The following PTPRM variants were observed in gnomAD, a reference collection of about 807,000 sequenced individuals.
PTPRM encodes the protein receptor-type tyrosine-protein phosphatase mu.
In PTPRM, 47 loss-of-function variants were observed where a neutral mutation model predicts 186.7. That is an observed-to-expected ratio of 0.25 (90% confidence interval 0.20 to 0.32). PTPRM has a LOEUF of 0.32. Ranked by LOEUF, PTPRM falls within the 10% of genes least tolerant of loss-of-function variation. PTPRM has a pLI of 1.00. For synonymous variants in PTPRM, 668 were observed against 674.9 expected (o/e 0.99, Z 0.16); for missense variants, 1,494 against 1,865.0 (o/e 0.80, Z 3.66).
rs574569498 is a variant in PTPRM, at chr18:8,318,469, G to C, written c.2920-709G>C. ...ATGCCACCACACCTGGCTAATTTTTGTATTTTTTGTAGAGATGGCTTTTTG... is the reference window on the plus strand; with the variant it reads ...ATGCCACCACACCTGGCTAATTTTTCTATTTTTTGTAGAGATGGCTTTTTG... On this transcript the variant is annotated intron_variant, in intron 21 of 32. Transcript: ENST00000580170. 2.0e-5 allele frequency among the ~76,000 whole-genome samples: 3 copies of C among 151,450 alleles called. No homozygotes were observed. In the South Asian group the frequency reaches 6.3e-4, roughly 32 times the overall value.
intron 1 of PTPRM, among the ~76,000 whole-genome samples, chr18:7,744,035 C>T (rs112288193): frequency 0.017 from 2,630 of 152,204 alleles, 86 homozygotes; most frequent in African/African-American, 0.059. Context: ...GTTATTTGGA[C>T]AGACTGGGGA....
chr18:7,900,767 A>G (rs1401348666), intron 3 of PTPRM, among the ~76,000 whole-genome samples: 5 of 152,228 alleles, frequency 3.3e-5, no homozygotes, highest in Non-Finnish European at 5.9e-5. Flanking sequence ...AATATGACCT[A>G]CCTCACATAA....
intron 19 of PTPRM, among the ~76,000 whole-genome samples, chr18:8,267,526 G>A (rs1437492994): frequency 1.3e-5 from 2 of 151,874 alleles, no homozygotes; most frequent in African/African-American, 2.4e-5. Flanking sequence ...AACACAAAGA[G>A]TTTCATATCT....
At chr18:8,283,221 G>A (rs1318652801) in intron 19 of PTPRM, among the ~76,000 whole-genome samples, 2 of 152,210 alleles carry the variant, frequency 1.3e-5, no homozygotes, top group Non-Finnish European at 2.9e-5. Context: ...GTACAGTTAT[G>A]TGAGGTGTAA....
At chr18:8,278,499 C>A (rs1050751651) in intron 19 of PTPRM, among the ~76,000 whole-genome samples, 1 of 152,196 alleles carries the variant, frequency 6.6e-6, no homozygotes, top group African/African-American at 2.4e-5. Context: ...CCTCACCCTT[C>A]ACTTCTGATT....
intron 14 of PTPRM, among the ~76,000 whole-genome samples, chr18:8,213,202 C>T (rs12454728): frequency 0.8 from 122,218 of 152,162 alleles, 49,477 homozygotes; most frequent in East Asian, 0.87. Flanking sequence ...AGGCCACTTA[C>T]GCTAAGTATA....
chr18:8,210,545 G>A (rs1005868563), intron 14 of PTPRM, among the ~76,000 whole-genome samples: 1 of 152,134 alleles, frequency 6.6e-6, no homozygotes, highest in Non-Finnish European at 1.5e-5. Flanking sequence ...CTCTAGAACT[G>A]TGAGATAAAT....
At chr18:7,842,604 C>A (rs1284389261) in intron 2 of PTPRM, among the ~76,000 whole-genome samples, 3 of 151,904 alleles carry the variant, frequency 2.0e-5, no homozygotes, top group African/African-American at 7.3e-5. Context: ...TATGGGTGAG[C>A]CTCATTCAAT....
intron 1 of PTPRM, among the ~76,000 whole-genome samples, chr18:7,574,930 G>A (rs906551027): frequency 2.0e-5 from 3 of 152,200 alleles, no homozygotes; most frequent in African/African-American, 2.4e-5. Context: ...TACTCCGGAA[G>A]CTGAGGCAGG....
chr18:8,256,567 C>G (rs1339927897), intron 19 of PTPRM, among the ~76,000 whole-genome samples: 1 of 152,204 alleles, frequency 6.6e-6, no homozygotes, highest in Non-Finnish European at 1.5e-5. Context: ...CTTCGTTATA[C>G]TGAGGTTTCA....
intron 1 of PTPRM, among the ~76,000 whole-genome samples, chr18:7,597,063 T>C (rs2037283422): frequency 6.6e-6 from 1 of 152,146 alleles, no homozygotes; most frequent in African/African-American, 2.4e-5. Flanking sequence ...CCACGTTGGC[T>C]AGGCTGGAAT....
At chr18:7,731,030 G>A (rs1391285973) in intron 1 of PTPRM, among the ~76,000 whole-genome samples, 1 of 152,124 alleles carries the variant, frequency 6.6e-6, no homozygotes, top group East Asian at 1.9e-4. Context: ...TAATTTAACC[G>A]ATGAGAAAGA....
chr18:8,300,064 G>A (rs113376610), intron 20 of PTPRM, among the ~76,000 whole-genome samples: 16 of 152,288 alleles, frequency 1.1e-4, no homozygotes, highest in Admixed American at 4.6e-4. Flanking sequence ...GGCGGGATGG[G>A]TTTAAATCTA....
intron 22 of PTPRM, among the ~76,000 whole-genome samples, chr18:8,335,029 C>A (rs893072585): frequency 6.6e-6 from 1 of 152,242 alleles, no homozygotes; most frequent in Non-Finnish European, 1.5e-5. Flanking sequence ...TGTTTTCTTT[C>A]TCTGATTTTT....
intron 7 of PTPRM, among the ~76,000 whole-genome samples, chr18:8,055,097 T>C (rs555627027): frequency 1.3e-5 from 2 of 152,298 alleles, no homozygotes; most frequent in African/African-American, 4.8e-5. Flanking sequence ...AACTACATTA[T>C]GTCTAAATGT....
At chr18:8,276,917 T>C (rs2094842619) in intron 19 of PTPRM, among the ~76,000 whole-genome samples, 1 of 150,770 alleles carries the variant, frequency 6.6e-6, no homozygotes, top group African/African-American at 2.4e-5. Flanking sequence ...AAAAAAAGGA[T>C]GATTTGTAGA....
intron 14 of PTPRM, among the ~76,000 whole-genome samples, chr18:8,145,568 C>A (rs1441799527): frequency 3.9e-5 from 6 of 152,146 alleles, no homozygotes; most frequent in Admixed American, 3.9e-4. Context: ...TGAGAACATG[C>A]AGTGTTTGCT....
intron 1 of PTPRM, among the ~76,000 whole-genome samples, chr18:7,732,323 A>G (rs1244898322): frequency 2.0e-5 from 3 of 152,178 alleles, no homozygotes; most frequent in African/African-American, 7.2e-5. Context: ...AAGCAGCCAC[A>G]TGATACTTCT....
intron 2 of PTPRM, among the ~76,000 whole-genome samples, chr18:7,851,889 C>G (rs549996090): frequency 6.6e-6 from 1 of 152,108 alleles, no homozygotes; most frequent in South Asian, 2.1e-4. Context: ...CTTGTTAACT[C>G]AAGAAAAAGA....
Sources: allele counts gnomAD v4.1 joint callset (sites outside exome capture counted in the v4.1 genomes callset), GRCh38; gene constraint gnomAD v4.1.1; transcripts MANE v1.5; gene names NCBI Gene and HGNC (gene_info 2026-07-23, HGNC 2026-07-21).